Variants in SLC30A9 observed in about 807,000 individuals in gnomAD.
SLC30A9 encodes solute carrier family 30 member 9.
Under a neutral mutation model 87.5 loss-of-function variants are expected in SLC30A9, and 58 were observed. The ratio of observed to expected loss-of-function variants is 0.66; its 90% CI spans 0.54 to 0.82. SLC30A9 has a LOEUF of 0.82. Ranked by LOEUF, SLC30A9 falls within the 40% of genes least tolerant of loss-of-function variation. The pLI is 0.00. For synonymous variants in SLC30A9, 234 were observed against 233.0 expected (o/e 1.00, Z -0.04); for missense variants, 557 against 679.1 (o/e 0.82, Z 2.00).
At chr4:42,041,300 T>G (rs1030951895) in intron 8 of SLC30A9, among the ~76,000 whole-genome samples, 4 of 152,122 alleles carry the variant, frequency 2.6e-5, no homozygotes, top group Non-Finnish European at 4.4e-5. Flanking sequence ...TGTTTTTTTT[T>G]TGTGAGACGG....
intron 7 of SLC30A9, among the ~76,000 whole-genome samples, chr4:42,036,942 A>G (rs1258187087): frequency 6.6e-6 from 1 of 152,174 alleles, no homozygotes; most frequent in Non-Finnish European, 1.5e-5. Flanking sequence ...TCGCCTTCAC[A>G]TCTGTTTCAC....
intron 8 of SLC30A9, among the ~76,000 whole-genome samples, chr4:42,047,865 G>A (rs1425895386): frequency 6.6e-6 from 1 of 152,132 alleles, no homozygotes; most frequent in Admixed American, 6.6e-5. Flanking sequence ...AAGAAAATGT[G>A]GCACATATAC....
chr4:42,025,509 TATA>T (rs772821916), intron 6 of SLC30A9, among the ~76,000 whole-genome samples: 16 of 152,182 alleles, frequency 1.1e-4, no homozygotes, highest in Non-Finnish European at 1.8e-4. Context: ...ACCTGGAATA[TATA>T]ATATTAAATC....
At chr4:42,003,129 T>A (rs1331954585) in intron 2 of SLC30A9, among the ~76,000 whole-genome samples, 1 of 152,182 alleles carries the variant, frequency 6.6e-6, no homozygotes, top group Non-Finnish European at 1.5e-5. Flanking sequence ...TCATTGTAAA[T>A]TTACAGATAG....
At chr4:41,991,179 T>C (rs1258509063) in intron 1 of SLC30A9, among the ~76,000 whole-genome samples, 1 of 152,278 alleles carries the variant, frequency 6.6e-6, no homozygotes, top group Non-Finnish European at 1.5e-5. Context: ...TTCTTGGCCT[T>C]CTTTTTCTTA....
intron 1 of SLC30A9, among the ~76,000 whole-genome samples, chr4:41,995,564 G>A (rs1714663599): frequency 6.6e-6 from 1 of 152,128 alleles, no homozygotes; most frequent in African/African-American, 2.4e-5. Flanking sequence ...TATTTCATTC[G>A]ATAAGATGGC....
At chr4:42,005,584 C>T (rs527824110) in intron 2 of SLC30A9, among the ~76,000 whole-genome samples, 44 of 152,276 alleles carry the variant, frequency 2.9e-4, no homozygotes, top group African/African-American at 1.1e-3. Flanking sequence ...CTCTGGTCTT[C>T]CATGCCCGTT....
chr4:42,047,978 C>G (rs909930316), intron 8 of SLC30A9, among the ~76,000 whole-genome samples: 2 of 151,692 alleles, frequency 1.3e-5, no homozygotes, highest in Admixed American at 1.3e-4. Flanking sequence ...AGCACAAGAA[C>G]AGAAAATCAA....
At chr4:42,027,679 A>C (rs368479998) in intron 6 of SLC30A9, among the ~76,000 whole-genome samples, 29 of 152,312 alleles carry the variant, frequency 1.9e-4, no homozygotes, top group African/African-American at 6.0e-4. Flanking sequence ...AGTATTCCCA[A>C]CTCACAGGAG....
chr4:42,057,012 C>T (rs1717648115), intron 9 of SLC30A9, among the ~76,000 whole-genome samples: 1 of 152,222 alleles, frequency 6.6e-6, no homozygotes, highest in Non-Finnish European at 1.5e-5. Context: ...ACCTCCAGGT[C>T]ACGCTGATGC....
At chr4:42,035,554 G>T (rs1256415203) in intron 7 of SLC30A9, among the ~76,000 whole-genome samples, 2 of 150,778 alleles carry the variant, frequency 1.3e-5, no homozygotes, top group East Asian at 3.9e-4. Context: ...CTGGAGTGCA[G>T]TAGTGTAATC....
chr4:42,027,943 A>G (rs1219238707), intron 6 of SLC30A9, among the ~76,000 whole-genome samples: 1 of 152,232 alleles, frequency 6.6e-6, no homozygotes, highest in Non-Finnish European at 1.5e-5. Context: ...CACTGAGGAC[A>G]GACATCAGTA....
chr4:42,051,006 C>T (rs1447282387), intron 9 of SLC30A9, among the ~76,000 whole-genome samples: 1 of 152,106 alleles, frequency 6.6e-6, no homozygotes, highest in Non-Finnish European at 1.5e-5. Flanking sequence ...TGAATGTTTG[C>T]TGAATGTTAA....
chr4:42,013,087 T>A (rs984736055), intron 2 of SLC30A9, among the ~76,000 whole-genome samples: 1 of 151,928 alleles, frequency 6.6e-6, no homozygotes, highest in African/African-American at 2.4e-5. Flanking sequence ...TTGAGACCAG[T>A]CTGGGCAACA....
chr4:42,001,727 A>G lies in SLC30A9; in HGVS notation c.221A>G (p.Glu74Gly). 6.2e-7 allele frequency: 1 copy of G among 1,611,704 alleles called. No individual in the cohort carries two copies. Among genetic ancestry groups the G allele is most frequent in the Non-Finnish European group, 8.5e-7 (1 of 1,178,530 alleles). ...VKLYSTNVQK[E>G]GQGSQTLRVE... ...TTGTACTCCACAAATGTTCAGAAAGAAGGACAGGGATCACAAACACTCAGA... is the reference window on the plus strand; with the variant it reads ...TTGTACTCCACAAATGTTCAGAAAGGAGGACAGGGATCACAAACACTCAGA... Residue 74 changes from glutamate to glycine, a missense_variant, in exon 2 of 18, where the codon GAA (glutamate) becomes GGA (glycine). Physicochemically the swap from Glu to Gly is moderately conservative, Grantham distance 98. This residue lies in a region of SLC30A9 where 467 missense variants were observed against 529.8 expected (regional missense o/e 0.88). Transcript: ENST00000264451.
chr4:42,080,468 A>T (rs1031487258), intron 17 of SLC30A9, among the ~76,000 whole-genome samples: 1 of 152,224 alleles, frequency 6.6e-6, no homozygotes, highest in Admixed American at 6.5e-5. Context: ...AATGCATAGT[A>T]TTACTCTCCT....
At chr4:42,053,172 A>C (rs1717453520) in intron 9 of SLC30A9, among the ~76,000 whole-genome samples, 1 of 152,246 alleles carries the variant, frequency 6.6e-6, no homozygotes, top group South Asian at 2.1e-4. Context: ...ACATCTCTGC[A>C]TATCCACTAT....
chr4:42,068,181 T>G (rs1166780638), intron 14 of SLC30A9, among the ~76,000 whole-genome samples: 1 of 152,128 alleles, frequency 6.6e-6, no homozygotes, highest in African/African-American at 2.4e-5. Context: ...ATATTAGACA[T>G]GTTTTGGGTC....
intron 17 of SLC30A9, among the ~76,000 whole-genome samples, chr4:42,080,334 C>A (rs1718705561): frequency 6.6e-6 from 1 of 152,136 alleles, no homozygotes. Context: ...TCATGTTATA[C>A]CCATCATGGT....
Sources: allele counts gnomAD v4.1 joint callset (sites outside exome capture counted in the v4.1 genomes callset), GRCh38; gene constraint gnomAD v4.1.1; regional missense constraint gnomAD v4.1.1; transcripts MANE v1.5; gene names NCBI Gene and HGNC (gene_info 2026-07-23, HGNC 2026-07-21).